Variants in FOXP2 observed in about 807,000 individuals in gnomAD.
The protein encoded by FOXP2 is forkhead box P2, also known as forkhead box protein P2.
A neutral mutation model predicts 115.8 loss-of-function variants in FOXP2; 12 were observed. The observed-to-expected ratio is 0.10, with a 90% confidence interval of 0.07 to 0.17. The LOEUF (loss-of-function observed/expected upper bound fraction) is 0.17, where lower values mean the gene tolerates loss of function less well. Ranked by LOEUF, FOXP2 falls within the 10% of genes least tolerant of loss-of-function variation. The pLI is 1.00. For missense variants in FOXP2, 629 were observed against 843.5 expected, an observed-to-expected ratio of 0.75 and a Z score of 3.15; for synonymous variants, 328 against 297.7, an observed-to-expected ratio of 1.10 and a Z score of -1.05.
At chr7:114,278,120 C>CAATT (rs1262058836) in intron 1 of FOXP2, among the ~76,000 whole-genome samples, 1 of 144,792 alleles carries the variant, frequency 6.9e-6, no homozygotes, top group East Asian at 2.1e-4. Flanking sequence ...TTCTCAACAA[C>CAATT]AATTAAATAA....
At chr7:114,578,353 T>G (rs1268733999) in intron 3 of FOXP2, among the ~76,000 whole-genome samples, 1 of 152,002 alleles carries the variant, frequency 6.6e-6, no homozygotes, top group African/African-American at 2.4e-5. Context: ...CTGCTTAACA[T>G]CTATTTTCAT....
chr7:114,572,447 A>G (rs776003451), intron 3 of FOXP2, among the ~76,000 whole-genome samples: 2 of 151,776 alleles, frequency 1.3e-5, no homozygotes, highest in African/African-American at 2.4e-5. Context: ...GATATGATGT[A>G]ATTAAGTTTA....
intron 2 of FOXP2, among the ~76,000 whole-genome samples, chr7:114,320,245 A>G (rs942577908): frequency 1.3e-5 from 2 of 152,162 alleles, no homozygotes; most frequent in African/African-American, 4.8e-5. Context: ...ATATGTATTT[A>G]TTTTTGATAC....
At chr7:114,437,613 T>C (rs1290136402) in intron 2 of FOXP2, among the ~76,000 whole-genome samples, 1 of 152,200 alleles carries the variant, frequency 6.6e-6, no homozygotes, top group African/African-American at 2.4e-5. Context: ...ATGTAAGTGT[T>C]CAATAAAATT....
intron 1 of FOXP2, among the ~76,000 whole-genome samples, chr7:114,264,448 C>T (rs1795844848): frequency 2.0e-5 from 3 of 152,074 alleles, no homozygotes; most frequent in African/African-American, 4.8e-5. Context: ...GTTTTCCCTC[C>T]CACCCCTATT....
chr7:114,479,602 G>A (rs942262587), intron 2 of FOXP2, among the ~76,000 whole-genome samples: 3 of 150,190 alleles, frequency 2.0e-5, no homozygotes, highest in African/African-American at 7.3e-5. Flanking sequence ...GAGGGAGATT[G>A]ACTGTTATTA....
intron 1 of FOXP2, among the ~76,000 whole-genome samples, chr7:114,207,835 G>T (rs957517890): frequency 6.6e-6 from 1 of 152,140 alleles, no homozygotes; most frequent in Non-Finnish European, 1.5e-5. Flanking sequence ...TACTTATTTT[G>T]ACTCAAGCTT....
intron 3 of FOXP2, among the ~76,000 whole-genome samples, chr7:114,593,063 T>C (rs539556551): frequency 5.9e-5 from 9 of 152,142 alleles, no homozygotes; most frequent in African/African-American, 2.2e-4. Flanking sequence ...TGCTAAAAAA[T>C]CATAGGATTG....
At chr7:114,508,197 T>A (rs1797917275) in intron 2 of FOXP2, among the ~76,000 whole-genome samples, 1 of 151,886 alleles carries the variant, frequency 6.6e-6, no homozygotes, top group South Asian at 2.1e-4. Flanking sequence ...TAGAAAAAAG[T>A]CAGGAGACTA....
chr7:114,196,045 G>A (rs935488363), intron 1 of FOXP2, among the ~76,000 whole-genome samples: 4 of 151,984 alleles, frequency 2.6e-5, no homozygotes, highest in South Asian at 4.1e-4. Context: ...GCAGAGTCTC[G>A]CTCTGTCACC....
intron 2 of FOXP2, among the ~76,000 whole-genome samples, chr7:114,516,739 A>T (rs111591821): frequency 2.6e-4 from 39 of 151,892 alleles, no homozygotes; most frequent in African/African-American, 9.2e-4. Flanking sequence ...ACTGTTGCCA[A>T]GGCTGGAATG....
chr7:114,386,205 C>A (rs1584685392), intron 2 of FOXP2, among the ~76,000 whole-genome samples: 1 of 151,986 alleles, frequency 6.6e-6, no homozygotes, highest in African/African-American at 2.4e-5. Context: ...TCAGCTCGAG[C>A]CATAACAAAT....
At chr7:114,675,326 A>C (rs1185271350) in intron 16 of FOXP2, among the ~76,000 whole-genome samples, 3 of 152,118 alleles carry the variant, frequency 2.0e-5, no homozygotes, top group Admixed American at 6.5e-5. Context: ...GAAAAAAAAA[A>C]TACTTTTTTT....
intron 1 of FOXP2, among the ~76,000 whole-genome samples, chr7:114,266,620 C>A (rs1795902111): frequency 6.6e-6 from 1 of 152,092 alleles, no homozygotes. Flanking sequence ...TCCTTATGCC[C>A]CCAGACACCT....
chr7:114,690,983 C>T lies in FOXP2; in HGVS notation c.*1057C>T. 2.2e-6 allele frequency: 1 copy of T among 454,402 alleles called. No individual in the cohort carries two copies. Among genetic ancestry groups the T allele is most frequent in the Non-Finnish European group, 4.4e-6 (1 of 226,758 alleles). The allele number at this position is 454,402 out of a possible 1,614,324, so 28.1% of individuals were successfully genotyped here. A position where few individuals can be genotyped will look rare whatever the true frequency, so the allele number is the denominator to read the frequency against. On this transcript the variant is annotated 3_prime_UTR_variant, in exon 17 of 17. Coordinates refer to ENST00000350908, the MANE Select transcript of FOXP2 (RefSeq NM_014491.4). The stretch of plus-strand genomic sequence containing the variant: ...GAGTAATCTTCTGAGGCCAAAAGTC[C>T]ATCTAAATGCAATGAAGATTTGCTT...
intron 1 of FOXP2, among the ~76,000 whole-genome samples, chr7:114,263,822 G>T (rs1334655968): frequency 6.6e-6 from 1 of 151,642 alleles, no homozygotes; most frequent in Non-Finnish European, 1.5e-5. Flanking sequence ...TATACACTCT[G>T]TCGGCCTCGA....
chr7:114,249,764 G>A (rs554552322), intron 1 of FOXP2, among the ~76,000 whole-genome samples: 1 of 151,694 alleles, frequency 6.6e-6, no homozygotes, highest in Admixed American at 6.6e-5. Context: ...GGTATTTCTG[G>A]TTCTGGTTCT....
At chr7:114,398,701 A>ACAAAACC (rs1308535688) in intron 2 of FOXP2, among the ~76,000 whole-genome samples, 3 of 152,258 alleles carry the variant, frequency 2.0e-5, no homozygotes, top group Non-Finnish European at 4.4e-5. Context: ...CTTTTCTGGA[A>ACAAAACC]CAAAACCCAG....
chr7:114,225,650 G>A (rs1320269186), intron 1 of FOXP2, among the ~76,000 whole-genome samples: 2 of 150,940 alleles, frequency 1.3e-5, no homozygotes, highest in Admixed American at 1.3e-4. Flanking sequence ...ATGGGATTTT[G>A]CTGTATTGCT....
Sources: allele counts gnomAD v4.1 joint callset (sites outside exome capture counted in the v4.1 genomes callset), GRCh38; gene constraint gnomAD v4.1.1; transcripts MANE v1.5; gene names NCBI Gene and HGNC (gene_info 2026-07-23, HGNC 2026-07-21).